CFAP61: variants seen among roughly 807,000 people sequenced by gnomAD.
CFAP61 encodes the protein cilia and flagella associated protein 61, also known as cilia- and flagella-associated protein 61.
CFAP61 carries 107 observed loss-of-function variants against 135.6 expected under a neutral mutation model. The observed-to-expected ratio is 0.79, with a 90% CI of 0.67 to 0.93. The LOEUF (loss-of-function observed/expected upper bound fraction) is 0.93. CFAP61 is among the 40% of genes least tolerant of loss of function. The pLI is 0.00. For synonymous variants in CFAP61, 575 were observed against 578.5 expected (o/e 0.99, Z 0.09); for missense variants, 1,507 against 1,556.2 (o/e 0.97, Z 0.53).
chr20:20,339,173 G>A (rs2122358913), intron 25 of CFAP61, among the ~76,000 whole-genome samples: 1 of 152,330 alleles, frequency 6.6e-6, no homozygotes. Context: ...CTAGACGGCA[G>A]GCTGTGTGGG....
At chr20:20,180,577 T>C (rs1253577370) in intron 13 of CFAP61, among the ~76,000 whole-genome samples, 1 of 152,052 alleles carries the variant, frequency 6.6e-6, no homozygotes, top group Admixed American at 6.5e-5. Context: ...GTAAATTAGT[T>C]CAACCATTGT....
rs2059432640 is a variant in CFAP61 at position 20,360,517 on chromosome 20, C to A, written c.*107C>A. On this transcript the variant is annotated 3_prime_UTR_variant, in exon 27 of 27. Coordinates refer to ENST00000245957, the MANE Select transcript of CFAP61 (RefSeq NM_015585.4). Reference sequence around the variant, plus strand: ...CAGCCTGGTTTGACAGCGAAGCCAGCCCCTGGTGGTTTTGTTCATTCCTTT... The same window carrying A: ...CAGCCTGGTTTGACAGCGAAGCCAGACCCTGGTGGTTTTGTTCATTCCTTT... 9.8e-7 allele frequency: 1 copy of A among 1,024,754 alleles called. No individual in the cohort carries two copies. The allele number at this position is 1,024,754 out of a possible 1,614,324, so 63.5% of individuals were successfully genotyped here.
intron 25 of CFAP61, among the ~76,000 whole-genome samples, chr20:20,309,724 T>G (rs974434533): frequency 9.2e-5 from 14 of 152,172 alleles, no homozygotes; most frequent in African/African-American, 3.4e-4. Flanking sequence ...AAAAATTATG[T>G]TTGGGACAGG....
At chr20:20,156,721 T>C (rs1271331405) in intron 9 of CFAP61, among the ~76,000 whole-genome samples, 2 of 152,162 alleles carry the variant, frequency 1.3e-5, no homozygotes, top group East Asian at 3.8e-4. Context: ...ATAATAGCAA[T>C]GAACAATCAG....
At chr20:20,063,865 A>G (rs1388281492) in intron 2 of CFAP61, among the ~76,000 whole-genome samples, 2 of 152,228 alleles carry the variant, frequency 1.3e-5, no homozygotes, top group Non-Finnish European at 2.9e-5. Flanking sequence ...TTGAATAAAA[A>G]CCCATTGCAT....
chr20:20,352,038 C>T (rs550059919), intron 26 of CFAP61, among the ~76,000 whole-genome samples: 11 of 152,044 alleles, frequency 7.2e-5, no homozygotes, highest in African/African-American at 1.2e-4. Context: ...AGTCCATTTT[C>T]GCACTGTTAT....
chr20:20,146,270 T>C (rs1673299858), intron 9 of CFAP61, among the ~76,000 whole-genome samples: 1 of 152,010 alleles, frequency 6.6e-6, no homozygotes, highest in Non-Finnish European at 1.5e-5. Context: ...AACTAATGAG[T>C]GAAGAAGAGT....
chr20:20,340,800 C>A (rs2058413826), intron 25 of CFAP61, among the ~76,000 whole-genome samples: 1 of 152,132 alleles, frequency 6.6e-6, no homozygotes, highest in Non-Finnish European at 1.5e-5. Context: ...GAACATACCA[C>A]CTAAACAGCA....
chr20:20,256,495 C>T (rs2051591497), intron 20 of CFAP61, among the ~76,000 whole-genome samples: 1 of 151,814 alleles, frequency 6.6e-6, no homozygotes, highest in South Asian at 2.1e-4. Context: ...GAAATGGGAG[C>T]TGAAGCCATT....
chr20:20,105,783 C>T (rs1282963152), intron 8 of CFAP61, among the ~76,000 whole-genome samples: 2 of 144,652 alleles, frequency 1.4e-5, no homozygotes, highest in African/African-American at 2.6e-5. Context: ...AGGCGCCTGC[C>T]ACCATGCCCG....
chr20:20,137,292 G>T (rs1329293193), intron 8 of CFAP61, among the ~76,000 whole-genome samples: 1 of 152,168 alleles, frequency 6.6e-6, no homozygotes, highest in Non-Finnish European at 1.5e-5. Flanking sequence ...TCTGCAATCA[G>T]CAGGTGATGA....
intron 26 of CFAP61, among the ~76,000 whole-genome samples, chr20:20,358,895 T>C (rs1195140581): frequency 6.6e-6 from 1 of 152,220 alleles, no homozygotes; most frequent in African/African-American, 2.4e-5. Flanking sequence ...GAAATAAATG[T>C]ACCATCAGAG....
At chr20:20,151,345 C>CAA (rs140279260) in intron 9 of CFAP61, among the ~76,000 whole-genome samples, 51,043 of 148,178 alleles carry the variant, frequency 0.34, 9,214 homozygotes, top group Non-Finnish European at 0.4. Context: ...CCCAATTAGA[C>CAA]AAAAAAAAAA....
intron 17 of CFAP61, among the ~76,000 whole-genome samples, chr20:20,224,615 G>A (rs1299445012): frequency 2.0e-5 from 3 of 152,074 alleles, no homozygotes; most frequent in African/African-American, 7.2e-5. Context: ...ACTTGAAACC[G>A]GGAGGCGGAG....
chr20:20,351,342 A>T (rs1428860926), intron 26 of CFAP61, among the ~76,000 whole-genome samples: 1 of 152,178 alleles, frequency 6.6e-6, no homozygotes, highest in Admixed American at 6.6e-5. Flanking sequence ...GCACCTTGAG[A>T]GGCCAAGGCG....
At chr20:20,163,929 T>G (rs942143980) in intron 10 of CFAP61, 121 bp from the exon 11 acceptor site, 9 of 694,038 alleles carry the variant, frequency 1.3e-5, no homozygotes, top group Non-Finnish European at 2.0e-5. Flanking sequence ...ATGAGTTGTT[T>G]CGGGTGACAG....
chr20:20,080,047 C>T (rs6046598), intron 6 of CFAP61, among the ~76,000 whole-genome samples: 49,503 of 151,988 alleles, frequency 0.33, 9,324 homozygotes, highest in East Asian at 0.68. Context: ...ACAATTGTTA[C>T]ACTTTTATAT....
intron 24 of CFAP61, among the ~76,000 whole-genome samples, chr20:20,291,431 G>A (rs2054989965): frequency 6.6e-6 from 1 of 152,162 alleles, no homozygotes; most frequent in Non-Finnish European, 1.5e-5. Flanking sequence ...GTCTTTTCAG[G>A]TTGGCTTCTT....
intron 26 of CFAP61, among the ~76,000 whole-genome samples, chr20:20,348,689 C>CAAAAAAAAAAAAA (rs71198052): frequency 3.7e-4 from 20 of 53,382 alleles, no homozygotes; most frequent in East Asian, 1.7e-3. Flanking sequence ...GACTCCGTAT[C>CAAAAAAAAAAAAA]AAAAAAAAAA....
Sources: allele counts gnomAD v4.1 joint callset (sites outside exome capture counted in the v4.1 genomes callset), GRCh38; gene constraint gnomAD v4.1.1; transcripts MANE v1.5; gene names NCBI Gene and HGNC (gene_info 2026-07-23, HGNC 2026-07-21).